The following HIPK2 variants were observed in gnomAD, a reference collection of about 807,000 sequenced individuals.
The protein encoded by HIPK2 is homeodomain interacting protein kinase 2.
A neutral mutation model predicts 113.7 loss-of-function variants in HIPK2; 27 were observed. The ratio of observed to expected loss-of-function variants is 0.24; its 90% CI spans 0.17 to 0.33. HIPK2 has a LOEUF of 0.33. HIPK2 is among the 10% of genes least tolerant of loss of function. The pLI, the probability that HIPK2 is intolerant of heterozygous loss-of-function variation, is 1.00. For missense variants in HIPK2, 1,257 were observed against 1,588.0 expected, an observed-to-expected ratio of 0.79 and a Z score of 3.54; for synonymous variants, 631 against 642.2, an observed-to-expected ratio of 0.98 and a Z score of 0.26.
intron 1 of HIPK2, among the ~76,000 whole-genome samples, chr7:139,774,699 T>C (rs1390407165): frequency 1.3e-5 from 2 of 152,284 alleles, no homozygotes; most frequent in African/African-American, 4.8e-5. Flanking sequence ...ATAAATAACT[T>C]GGAATTTAGG....
chr7:139,764,182 T>G (rs559071226), intron 1 of HIPK2, among the ~76,000 whole-genome samples: 1 of 152,362 alleles, frequency 6.6e-6, no homozygotes, highest in East Asian at 1.9e-4. Context: ...CACCAACATA[T>G]GTAATGCTAT....
At chr7:139,589,350 G>C (rs1018628340) in intron 12 of HIPK2, among the ~76,000 whole-genome samples, 1 of 151,638 alleles carries the variant, frequency 6.6e-6, no homozygotes, top group African/African-American at 2.4e-5. Context: ...GATCTGGCCA[G>C]TTCTTGCTGA....
chr7:139,708,601 T>G (rs1794976992), intron 2 of HIPK2, among the ~76,000 whole-genome samples: 1 of 152,312 alleles, frequency 6.6e-6, no homozygotes, highest in Non-Finnish European at 1.5e-5. Context: ...GGCAGCTCTG[T>G]GGCAAGGCAG....
chr7:139,615,137 T>C (rs1799992643), intron 7 of HIPK2, among the ~76,000 whole-genome samples: 1 of 152,230 alleles, frequency 6.6e-6, no homozygotes, highest in Admixed American at 6.5e-5. Context: ...TAAAGGACTA[T>C]GGTCTCAGTA....
chr7:139,610,975 C>A (rs1799795299), intron 9 of HIPK2, among the ~76,000 whole-genome samples: 1 of 152,216 alleles, frequency 6.6e-6, no homozygotes, highest in Non-Finnish European at 1.5e-5. Context: ...CCTCTGATAT[C>A]AATTCGTTGC....
intron 14 of HIPK2, among the ~76,000 whole-genome samples, chr7:139,574,536 C>T (rs1306904603): frequency 6.6e-6 from 1 of 152,210 alleles, no homozygotes. Flanking sequence ...TGAACACAAA[C>T]ACCCCATTTA....
At chr7:139,619,398 A>C (rs972755375) in intron 7 of HIPK2, among the ~76,000 whole-genome samples, 1 of 152,228 alleles carries the variant, frequency 6.6e-6, no homozygotes, top group Admixed American at 6.5e-5. Flanking sequence ...ACAGTTTCTT[A>C]GACACTAGAG....
Position 139,631,809 on chromosome 7 carries a change from G to A in HIPK2, c.1104-84C>T. The A allele has an allele frequency of 6.8e-7, 1 of 1,478,044 alleles. No homozygotes were observed. The highest frequency in any genetic ancestry group is 9.0e-7 in the Non-Finnish European group (1 of 1,107,540). 91.6% of individuals were successfully genotyped at this position (1,478,044 alleles called of 1,614,324 possible). On this transcript the variant is annotated intron_variant, in intron 2 of 14. Transcript: ENST00000406875. The surrounding 1 kb of genome is among the most constrained non-coding windows in gnomAD (Gnocchi z 4.9). ...ATATGAATACTATCTTTCAAACCTG[G>A]GGTGCCATTACTGACTCCTCCTCTG...
intron 12 of HIPK2, among the ~76,000 whole-genome samples, chr7:139,586,750 C>A (rs149698438): frequency 1.3e-5 from 2 of 151,568 alleles, no homozygotes; most frequent in South Asian, 2.1e-4. Context: ...CAGAGTGAAA[C>A]CCTGTCTCCA....
At chr7:139,655,073 G>A (rs1329974053) in intron 2 of HIPK2, among the ~76,000 whole-genome samples, 1 of 152,186 alleles carries the variant, frequency 6.6e-6, no homozygotes, top group Non-Finnish European at 1.5e-5. Flanking sequence ...TGCTCTGACT[G>A]TGGGGGGAAT....
intron 1 of HIPK2, among the ~76,000 whole-genome samples, chr7:139,743,701 G>A (rs997491516): frequency 1.3e-5 from 2 of 152,162 alleles, no homozygotes; most frequent in Non-Finnish European, 2.9e-5. Flanking sequence ...GGGGCTCCAG[G>A]ATCAAAATGG....
Position 139,564,171 on chromosome 7 carries a change from T to C in HIPK2, c.*8756A>G, listed in dbSNP as rs1798026562. The C allele has an allele frequency of 2.6e-6, 1 of 389,434 alleles. No individual in the cohort carries two copies. Among genetic ancestry groups the C allele is most frequent in the African/African-American group, 2.1e-5 (1 of 48,444 alleles). 24.1% of individuals were successfully genotyped at this position (389,434 alleles called of 1,614,324 possible). A position where few individuals can be genotyped will look rare whatever the true frequency, so the allele number is the denominator to read the frequency against. ...CTGGACAATGAGTAAAACGTAAACA[T>C]AGCCTTTTACATTGATTTTGCTTTT... On this transcript the variant is annotated 3_prime_UTR_variant, in exon 15 of 15. Transcript: ENST00000406875.
chr7:139,574,807 C>T (rs527398650), intron 14 of HIPK2, among the ~76,000 whole-genome samples: 1 of 152,376 alleles, frequency 6.6e-6, no homozygotes, highest in South Asian at 2.1e-4. Context: ...ACACAGTGCT[C>T]TACCCTTTGC....
At chr7:139,768,387 C>CT in intron 1 of HIPK2, among the ~76,000 whole-genome samples, 1 of 152,224 alleles carries the variant, frequency 6.6e-6, no homozygotes, top group Middle Eastern at 3.4e-3. Flanking sequence ...AGAGGCAGGG[C>CT]TCAAGTTTTG....
At chr7:139,607,978 C>T (rs934806459) in intron 9 of HIPK2, among the ~76,000 whole-genome samples, 6 of 152,116 alleles carry the variant, frequency 3.9e-5, no homozygotes, top group Non-Finnish European at 8.8e-5. Context: ...GTGGCTCACA[C>T]CTGTAATCCC....
At chr7:139,733,538 A>G (rs1358245311) in intron 1 of HIPK2, among the ~76,000 whole-genome samples, 1 of 152,252 alleles carries the variant, frequency 6.6e-6, no homozygotes, top group East Asian at 1.9e-4. Flanking sequence ...AGGGGAAAAG[A>G]GAACACTCCT....
intron 2 of HIPK2, among the ~76,000 whole-genome samples, chr7:139,700,837 C>A (rs1244279189): frequency 6.6e-6 from 1 of 152,030 alleles, no homozygotes; most frequent in African/African-American, 2.4e-5. Context: ...AAACCCAGAG[C>A]GGCCTCCTCC....
chr7:139,687,297 T>C (rs898399535), intron 2 of HIPK2, among the ~76,000 whole-genome samples: 1 of 151,968 alleles, frequency 6.6e-6, no homozygotes, highest in African/African-American at 2.4e-5. Context: ...AGACATGATA[T>C]AGCATACAAA....
rs149856203 is a variant in HIPK2 at position 139,681,530 on chromosome 7, C to T, written c.1103+34402G>A. Among the ~76,000 whole-genome samples, 15 of 152,292 alleles carry T rather than the reference C, an allele frequency of 9.8e-5. No homozygotes were observed. The East Asian group carries it at 2.9e-3, about 29-fold the overall frequency. ...CAGCGCCAGTGCTGCACTCCCCTCG[C>T]CTCCTCCCGCTCAGTGTGGGTGTCA... On this transcript the variant is annotated intron_variant, in intron 2 of 14. Coordinates refer to ENST00000406875, the MANE Select transcript of HIPK2 (RefSeq NM_022740.5).
Sources: gnomAD v4.1 joint callset for allele counts (sites outside exome capture counted in the v4.1 genomes callset) on GRCh38, gnomAD v4.1.1 for gene constraint, Gnocchi (gnomAD v3.1) non-coding constraint, MANE v1.5 for transcripts, NCBI Gene and HGNC (gene_info 2026-07-23, HGNC 2026-07-21) for gene names.